KAT2B: variants seen among roughly 807,000 people sequenced by gnomAD.
The protein encoded by KAT2B is lysine acetyltransferase 2B, also known as histone acetyltransferase KAT2B.
Under a neutral mutation model 105.9 loss-of-function variants are expected in KAT2B, and 36 were observed. The observed-to-expected ratio is 0.34, with a 90% CI of 0.26 to 0.45. KAT2B has a LOEUF of 0.45. KAT2B is among the 20% of genes least tolerant of loss of function. The pLI is 1.00. For synonymous variants in KAT2B, 397 were observed against 377.9 expected (o/e 1.05, Z -0.59); for missense variants, 820 against 1,021.6 (o/e 0.80, Z 2.69).
intron 3 of KAT2B, 127 bp from the exon 4 acceptor site, chr3:20,099,735 T>A: frequency 1.8e-6 from 1 of 561,520 alleles, no homozygotes; most frequent in Non-Finnish European, 3.3e-6. Flanking sequence ...GGTAACTTCC[T>A]TTAAAGGCTG....
chr3:20,108,088 G>A (rs1488280120), intron 5 of KAT2B, among the ~76,000 whole-genome samples: 1 of 152,080 alleles, frequency 6.6e-6, no homozygotes, highest in Non-Finnish European at 1.5e-5. Context: ...GGGATTACAG[G>A]TGTGAGCCAC....
intron 8 of KAT2B, among the ~76,000 whole-genome samples, chr3:20,120,982 T>A (rs532867772): frequency 6.6e-6 from 1 of 151,900 alleles, no homozygotes; most frequent in East Asian, 1.9e-4. Context: ...TCAGACTTTT[T>A]AAAAAAAATC....
chr3:20,072,601 C>G, intron 2 of KAT2B, 142 bp downstream of exon 2: 2 of 773,402 alleles, frequency 2.6e-6, no homozygotes, highest in Non-Finnish European at 4.3e-6. Flanking sequence ...TCTAGTCTCA[C>G]GAGTTTGCTG....
chr3:20,072,428 A>G lies in KAT2B; in HGVS notation c.399A>G (p.Thr133=). The change falls in exon 2 of 18, where the codon ACA becomes ACG. Residue 133 remains threonine, a synonymous_variant. Coordinates refer to ENST00000263754, the MANE Select transcript of KAT2B (RefSeq NM_003884.5). ...TGCAGCAAATAATTGTCAGTCTAAC[A>G]GAATCCTGTCGGAGTTGTAGCCATG... is the stretch of plus-strand genomic sequence containing the variant. The part of the protein sequence containing the change: ...ADLQQIIVSL[T]ESCRSCSHAL... 5 of 1,613,934 alleles carry G rather than the reference A, an allele frequency of 3.1e-6. No individual in the cohort carries two copies. Among genetic ancestry groups the G allele is most frequent in the Non-Finnish European group, 4.2e-6 (5 of 1,179,784 alleles).
intron 10 of KAT2B, among the ~76,000 whole-genome samples, chr3:20,126,809 G>C (rs1291616636): frequency 3.1e-5 from 3 of 96,428 alleles, no homozygotes; most frequent in Non-Finnish European, 5.6e-5. Flanking sequence ...GCAACAGAGC[G>C]AAACTCCATT....
chr3:20,080,186 G>T (rs900227449), intron 2 of KAT2B, among the ~76,000 whole-genome samples: 4 of 152,090 alleles, frequency 2.6e-5, no homozygotes, highest in African/African-American at 9.7e-5. Flanking sequence ...CAGAGTGAAG[G>T]GTGATCTGTA....
intron 2 of KAT2B, among the ~76,000 whole-genome samples, chr3:20,084,368 A>T (rs1161930922): frequency 6.6e-6 from 1 of 152,016 alleles, no homozygotes; most frequent in Admixed American, 6.6e-5. Flanking sequence ...ACCACTCCAG[A>T]CCTGCGTTTA....
At chr3:20,062,677 G>C (rs755077493) in intron 1 of KAT2B, among the ~76,000 whole-genome samples, 1 of 151,736 alleles carries the variant, frequency 6.6e-6, no homozygotes, top group Non-Finnish European at 1.5e-5. Context: ...TGCCAGACTG[G>C]TCTTGCATTC....
chr3:20,071,512 C>A (rs1698321767), intron 1 of KAT2B, among the ~76,000 whole-genome samples: 1 of 152,188 alleles, frequency 6.6e-6, no homozygotes, highest in African/African-American at 2.4e-5. Context: ...TACGTTGAGA[C>A]CTGCTGAAGC....
intron 1 of KAT2B, among the ~76,000 whole-genome samples, chr3:20,059,904 C>G (rs1410964064): frequency 6.6e-6 from 1 of 152,114 alleles, no homozygotes; most frequent in African/African-American, 2.4e-5. Flanking sequence ...GTTCCTACCC[C>G]CCACCCCAGA....
chr3:20,100,117 A>C (rs559102634), intron 4 of KAT2B, among the ~76,000 whole-genome samples, 163 bp downstream of exon 4: 126 of 152,254 alleles, frequency 8.3e-4, no homozygotes, highest in African/African-American at 3.0e-3. Context: ...AGAGGTGTAT[A>C]CCTAATTTAA....
chr3:20,042,360 A>T (rs1697734134), intron 1 of KAT2B, among the ~76,000 whole-genome samples: 1 of 152,222 alleles, frequency 6.6e-6, no homozygotes, highest in Non-Finnish European at 1.5e-5. Context: ...TTGATCATGA[A>T]GGGCATTAGA....
At chr3:20,126,648 C>T (rs549220204) in intron 10 of KAT2B, among the ~76,000 whole-genome samples, 2 of 151,560 alleles carry the variant, frequency 1.3e-5, no homozygotes, top group Non-Finnish European at 2.9e-5. Flanking sequence ...CATGGAGAAA[C>T]CCCGTCTCTA....
At position 20,148,624 on chromosome 3, in the gene KAT2B, C is replaced by T. The variant is rs369060702; in HGVS notation, c.2305+137C>T. ...TGACGGGTGGTGGGATTCCATGCAC[C>T]GTGGCGGGTCAGTGATGGCAGAGAA... On this transcript the variant is annotated intron_variant, in intron 17 of 17. Coordinates refer to ENST00000263754, the MANE Select transcript of KAT2B (RefSeq NM_003884.5). The T allele has an allele frequency of 2.6e-4, 166 of 638,878 alleles. 3 individuals are homozygous for T. Among genetic ancestry groups the T allele is most frequent in the African/African-American group, 9.4e-5 (5 of 53,082 alleles). The allele number at this position is 638,878 out of a possible 1,614,324, so 39.6% of individuals were successfully genotyped here.
chr3:20,141,070 G>C (rs956521807), intron 13 of KAT2B, among the ~76,000 whole-genome samples: 1 of 152,024 alleles, frequency 6.6e-6, no homozygotes, highest in African/African-American at 2.4e-5. Flanking sequence ...CGTTCACTCA[G>C]CACACACATA....
At chr3:20,105,298 T>C (rs1172330051) in intron 5 of KAT2B, among the ~76,000 whole-genome samples, 1 of 152,244 alleles carries the variant, frequency 6.6e-6, no homozygotes, top group African/African-American at 2.4e-5. Context: ...AATTTCATGA[T>C]AGTACACTAT....
chr3:20,137,528 C>G (rs538851963), intron 12 of KAT2B: 19 of 150,030 alleles, frequency 1.3e-4, no homozygotes, highest in Middle Eastern at 5.2e-4. Context: ...TTCCTTTCTC[C>G]GTTCCTCCCT....
intron 11 of KAT2B, among the ~76,000 whole-genome samples, chr3:20,128,179 C>G (rs763417546): frequency 2.6e-5 from 4 of 152,148 alleles, no homozygotes; most frequent in Non-Finnish European, 5.9e-5. Flanking sequence ...TAGTCGATAG[C>G]AAATGAAGGG....
chr3:20,131,640 T>C (rs1188708410), intron 11 of KAT2B, among the ~76,000 whole-genome samples: 5 of 152,168 alleles, frequency 3.3e-5, no homozygotes, highest in Non-Finnish European at 7.3e-5. Flanking sequence ...TGATCACAGC[T>C]CCCTGCGTCT....
Sources: allele counts gnomAD v4.1 joint callset (sites outside exome capture counted in the v4.1 genomes callset), GRCh38; gene constraint gnomAD v4.1.1; transcripts MANE v1.5; gene names NCBI Gene and HGNC (gene_info 2026-07-23, HGNC 2026-07-21).